GRIA1: variants seen among roughly 807,000 people sequenced by gnomAD.
GRIA1 encodes the protein glutamate ionotropic receptor AMPA type subunit 1.
Under a neutral mutation model 99.2 loss-of-function variants are expected in GRIA1, and 31 were observed. The observed-to-expected ratio is 0.31, with a 90% CI of 0.23 to 0.42. The LOEUF (loss-of-function observed/expected upper bound fraction) is 0.42, where lower values mean the gene tolerates loss of function less well. Ranked by LOEUF, GRIA1 falls within the 10% of genes least tolerant of loss-of-function variation. The pLI, the probability that GRIA1 is intolerant of heterozygous loss-of-function variation, is 1.00. For missense variants in GRIA1, 782 were observed against 1,157.5 expected, an observed-to-expected ratio of 0.68 and a Z score of 4.71; for synonymous variants, 438 against 432.4, an observed-to-expected ratio of 1.01 and a Z score of -0.16.
chr5:153,717,557 G>A (rs76702646), intron 11 of GRIA1, among the ~76,000 whole-genome samples: 10,118 of 152,044 alleles, frequency 0.067, 375 homozygotes, highest in Non-Finnish European at 0.075. Context: ...AGTTCACCAA[G>A]TTTAATGATA....
At chr5:153,804,178 G>A (rs936225764) in intron 15 of GRIA1, among the ~76,000 whole-genome samples, 1 of 152,130 alleles carries the variant, frequency 6.6e-6, no homozygotes, top group Non-Finnish European at 1.5e-5. Flanking sequence ...GAAGTTCAAT[G>A]ACATTTCACC....
chr5:153,647,988 A>G, intron 3 of GRIA1, among the ~76,000 whole-genome samples: 1 of 152,118 alleles, frequency 6.6e-6, no homozygotes, highest in East Asian at 1.9e-4. Context: ...CTACCTTCTC[A>G]TTGTATACTA....
chr5:153,689,654 G>A (rs78827897), intron 8 of GRIA1, among the ~76,000 whole-genome samples: 3,425 of 152,248 alleles, frequency 0.022, 114 homozygotes, highest in African/African-American at 0.076. Context: ...ATGTCTCATA[G>A]TCTCTCTGGG....
At chr5:153,658,962 T>A (rs1561738454) in intron 5 of GRIA1, among the ~76,000 whole-genome samples, 1 of 149,918 alleles carries the variant, frequency 6.7e-6, no homozygotes, top group African/African-American at 2.5e-5. Flanking sequence ...AGGCAAGGAG[T>A]CAAAACAAAA....
At position 153,677,079 on chromosome 5, in the gene GRIA1, G is replaced by T. The variant is rs768979604; in HGVS notation, c.947G>T (p.Arg316Leu). Residue 316 changes from arginine (R) to leucine (L), a missense_variant, in exon 7 of 16, where the codon CGC (arginine) becomes CTC (leucine). By Grantham distance (102) the Arg-to-Leu change is moderately radical. Coordinates refer to ENST00000285900, the MANE Select transcript of GRIA1 (RefSeq NM_000827.4). The part of the protein sequence containing the change: ...SLRRQRIDIS[R>L]RGNAGDCLAN... ...CGGAGGCAGAGAATTGATATATCTC[G>T]CCGGGGGAATGCTGGGGATTGTCTG... is the stretch of plus-strand genomic sequence containing the variant. 6.3e-7 allele frequency: 1 copy of T among 1,584,988 alleles called. No individual in the cohort carries two copies. The highest frequency in any genetic ancestry group is 8.6e-7 in the Non-Finnish European group (1 of 1,163,480).
intron 2 of GRIA1, among the ~76,000 whole-genome samples, chr5:153,590,938 C>T (rs1763919874): frequency 6.6e-6 from 1 of 152,172 alleles, no homozygotes; most frequent in Admixed American, 6.5e-5. Context: ...CTAAGCATTG[C>T]CCCTTTAAAT....
chr5:153,673,700 G>A (rs1199719018), intron 5 of GRIA1, among the ~76,000 whole-genome samples: 1 of 152,062 alleles, frequency 6.6e-6, no homozygotes, highest in Non-Finnish European at 1.5e-5. Flanking sequence ...CCTTAAAAAA[G>A]GATAAACTGA....
chr5:153,674,420 A>G lies in GRIA1; in HGVS notation c.700-80A>G, dbSNP rs1264992150. On this transcript the variant is annotated intron_variant, in intron 5 of 15. Coordinates refer to ENST00000285900, the MANE Select transcript of GRIA1 (RefSeq NM_000827.4). ...GTTTCATCTGGTGGAACTGAATGGA[A>G]AATCCTGTGGTTTTGGAACAGGTTA... is the stretch of plus-strand genomic sequence containing the variant. 5 of 1,510,020 alleles carry G rather than the reference A, an allele frequency of 3.3e-6. No individual in the cohort carries two copies. In the East Asian group the frequency reaches 9.0e-5, roughly 27 times the overall value. The allele number at this position is 1,510,020 out of a possible 1,614,324, so 93.5% of individuals were successfully genotyped here. A position where few individuals can be genotyped will look rare whatever the true frequency, so the allele number is the denominator to read the frequency against.
At chr5:153,752,624 G>A (rs1762574327) in intron 11 of GRIA1, among the ~76,000 whole-genome samples, 1 of 152,146 alleles carries the variant, frequency 6.6e-6, no homozygotes. Context: ...GTGAGCCCAT[G>A]GAAGGGAGAG....
At chr5:153,633,979 A>G (rs1753162308) in intron 2 of GRIA1, among the ~76,000 whole-genome samples, 1 of 152,172 alleles carries the variant, frequency 6.6e-6, no homozygotes, top group Non-Finnish European at 1.5e-5. Flanking sequence ...AATTAAAGAT[A>G]GAGATAAGGT....
At chr5:153,564,275 C>T (rs1475184897) in intron 2 of GRIA1, among the ~76,000 whole-genome samples, 2 of 152,098 alleles carry the variant, frequency 1.3e-5, no homozygotes, top group Admixed American at 6.5e-5. Flanking sequence ...GATGGTGCAG[C>T]CCTTCCCAGA....
intron 15 of GRIA1, among the ~76,000 whole-genome samples, chr5:153,810,233 T>A (rs1200198721): frequency 6.6e-6 from 1 of 152,228 alleles, no homozygotes; most frequent in African/African-American, 2.4e-5. Context: ...TGATCTGATA[T>A]GTCAGTCTGG....
intron 2 of GRIA1, among the ~76,000 whole-genome samples, chr5:153,525,712 C>T (rs545678188): frequency 5.9e-5 from 9 of 152,240 alleles, no homozygotes; most frequent in South Asian, 4.1e-4. Flanking sequence ...TTTCTCCTTT[C>T]TTTAAGCACT....
intron 5 of GRIA1, among the ~76,000 whole-genome samples, chr5:153,659,944 A>G (rs1217293608): frequency 1.3e-5 from 2 of 152,184 alleles, no homozygotes; most frequent in Non-Finnish European, 2.9e-5. Context: ...TCTCATTTTT[A>G]TACCATATTA....
Position 153,555,766 on chromosome 5 carries a change from T to G in GRIA1, c.220+61701T>G, listed in dbSNP as rs1760581212. 2.0e-5 allele frequency among the ~76,000 whole-genome samples: 3 copies of G among 152,152 alleles called. No individual in the cohort carries two copies. In the South Asian group the frequency reaches 6.2e-4, roughly 32 times the overall value. On this transcript the variant is annotated intron_variant, in intron 2 of 15. Coordinates refer to ENST00000285900, the MANE Select transcript of GRIA1 (RefSeq NM_000827.4). ...AGTCTGACAGACTGCTAAAGGAGAC[T>G]CAGGTGTACACTTCAGCAACTTGAT...
intron 15 of GRIA1, among the ~76,000 whole-genome samples, chr5:153,808,128 T>C (rs1766563849): frequency 6.6e-6 from 1 of 152,206 alleles, no homozygotes; most frequent in African/African-American, 2.4e-5. Flanking sequence ...CACTCTCTTC[T>C]TAGAAAAGCA....
chr5:153,583,396 T>C (rs918974256), intron 2 of GRIA1, among the ~76,000 whole-genome samples: 2 of 152,182 alleles, frequency 1.3e-5, no homozygotes, highest in African/African-American at 4.8e-5. Flanking sequence ...CTAAAACCTG[T>C]AAGTGAGAAT....
intron 2 of GRIA1, 30 bp downstream of exon 2, chr5:153,494,095 C>T (rs762397770): frequency 6.2e-7 from 1 of 1,609,192 alleles, no homozygotes; most frequent in East Asian, 2.2e-5. Flanking sequence ...TCTGAGATGT[C>T]TTTCTGCGCT....
chr5:153,759,626 AAAG>A (rs1763048613), intron 11 of GRIA1, among the ~76,000 whole-genome samples: 1 of 152,102 alleles, frequency 6.6e-6, no homozygotes. Context: ...CCAAATAGTT[AAAG>A]AAGAACTAAT....
Sources: gnomAD v4.1 joint callset for allele counts (sites outside exome capture counted in the v4.1 genomes callset) on GRCh38, gnomAD v4.1.1 for gene constraint, MANE v1.5 for transcripts, NCBI Gene and HGNC (gene_info 2026-07-23, HGNC 2026-07-21) for gene names.